CYFIP2: variants seen among roughly 807,000 people sequenced by gnomAD.
CYFIP2 encodes cytoplasmic FMR1 interacting protein 2, also known as cytoplasmic FMR1-interacting protein 2.
In CYFIP2, 29 loss-of-function variants were observed where a neutral mutation model predicts 158.7. The observed-to-expected ratio is 0.18, with a 90% CI of 0.14 to 0.25. The LOEUF (loss-of-function observed/expected upper bound fraction) is 0.25, where lower values mean the gene tolerates loss of function less well. Ranked by LOEUF, CYFIP2 falls within the 10% of genes least tolerant of loss-of-function variation. The pLI is 1.00. For missense variants in CYFIP2, 852 were observed against 1,639.5 expected (o/e 0.52, Z 8.29); for synonymous variants, 585 against 617.6 (o/e 0.95, Z 0.78).
intron 26 of CYFIP2, among the ~76,000 whole-genome samples, chr5:157,375,064 C>T (rs1292380788): frequency 2.0e-5 from 3 of 152,186 alleles, no homozygotes; most frequent in East Asian, 3.9e-4. Context: ...AATCAGCATT[C>T]CCAACTTGAG....
chr5:157,326,319 A>G, intron 18 of CYFIP2, 52 bp downstream of exon 18: 3 of 1,466,548 alleles, frequency 2.0e-6, no homozygotes, highest in Non-Finnish European at 2.9e-6. Flanking sequence ...CAAATTCCGG[A>G]CTTTTCCAGT....
chr5:157,281,589 G>T (rs749883906), intron 1 of CYFIP2, among the ~76,000 whole-genome samples: 1 of 152,034 alleles, frequency 6.6e-6, no homozygotes, highest in African/African-American at 2.4e-5. Context: ...CACATCACTC[G>T]ATTTTAAAAT....
chr5:157,394,544 G>A lies in CYFIP2; in HGVS notation c.*1544G>A, dbSNP rs1043481022. ...GTCAGATCCTGAGAGTAGCACATTT[G>A]AGTGCAGATTCCTGGGCCCCACCTC... On this transcript the variant is annotated 3_prime_UTR_variant, in exon 31 of 31. Transcript: ENST00000620254. 2.0e-5 allele frequency: 3 copies of A among 152,212 alleles called. No homozygotes were observed. The highest frequency in any genetic ancestry group is 4.4e-5 in the Non-Finnish European group (3 of 68,034). 9.4% of individuals were successfully genotyped at this position (152,212 alleles called of 1,614,324 possible).
intron 1 of CYFIP2, among the ~76,000 whole-genome samples, chr5:157,284,106 T>G (rs1357028041): frequency 6.6e-6 from 1 of 152,206 alleles, no homozygotes; most frequent in Non-Finnish European, 1.5e-5. Context: ...TCACCTCTAC[T>G]GTTAACGTTT....
intron 5 of CYFIP2, among the ~76,000 whole-genome samples, chr5:157,297,092 G>T (rs904302460): frequency 1.3e-5 from 2 of 152,266 alleles, no homozygotes; most frequent in Non-Finnish European, 2.9e-5. Flanking sequence ...TGCCTGTGAT[G>T]TGAGTGCTGC....
chr5:157,271,783 T>C (rs1027146541), intron 1 of CYFIP2, among the ~76,000 whole-genome samples: 32 of 152,228 alleles, frequency 2.1e-4, no homozygotes, highest in Admixed American at 6.5e-4. Flanking sequence ...TTCACATCGA[T>C]GGAGCTGAGT....
intron 20 of CYFIP2, 64 bp downstream of exon 20, chr5:157,330,914 A>G (rs2113174949): frequency 7.6e-7 from 1 of 1,312,356 alleles, no homozygotes; most frequent in Non-Finnish European, 1.1e-6. Flanking sequence ...CGAAGTTAGC[A>G]TAGAGATCAG....
chr5:157,357,006 C>T (rs997844994), intron 23 of CYFIP2, among the ~76,000 whole-genome samples: 9 of 152,166 alleles, frequency 5.9e-5, no homozygotes, highest in African/African-American at 2.2e-4. Flanking sequence ...CCATACATTT[C>T]GAAGCTAAAT....
rs1256818259 is a variant in CYFIP2, at chr5:157,300,725, T to C, written c.398T>C (p.Ile133Thr). The change falls in exon 6 of 31, where the codon ATC becomes ACC. Residue 133 changes from isoleucine to threonine, a missense_variant. Coordinates refer to ENST00000620254, the MANE Select transcript of CYFIP2 (RefSeq NM_001037333.3). ...MKFMYFQRKA[I>T]ERFCSEVKRL... is the part of the protein sequence containing the mutation. ...CCCCTCTGCCCCCAGCGCAAGGCCA[T>C]CGAGCGGTTCTGCAGCGAGGTGAAG... 6.3e-7 allele frequency: 1 copy of C among 1,598,182 alleles called. No homozygotes were observed. The highest frequency in any genetic ancestry group is 1.3e-5 in the African/African-American group (1 of 74,674).
intron 26 of CYFIP2, chr5:157,363,816 C>T (rs1764078776): frequency 6.6e-6 from 1 of 152,318 alleles, no homozygotes; most frequent in Non-Finnish European, 1.5e-5. Flanking sequence ...AAAGGAGAAG[C>T]CTGGAACAAA....
Position 157,304,313 on chromosome 5 carries a change from T to C in CYFIP2, c.742T>C (p.Tyr248His), listed in dbSNP as rs2113899883. 1.2e-6 allele frequency: 2 copies of C among 1,613,998 alleles called. No individual in the cohort carries two copies. Among genetic ancestry groups the C allele is most frequent in the Non-Finnish European group, 1.7e-6 (2 of 1,179,904 alleles). Residue 248 changes from tyrosine to histidine, a missense_variant, in exon 8 of 31, where the codon TAC (tyrosine) becomes CAC (histidine). Tyr to His is a moderately conservative substitution (Grantham distance 83). Transcript: ENST00000620254. ...LADIVNICVD[Y>H]YENKMYLTPS... ...TGACATTGTCAACATCTGTGTGGATTACTACGAGAACAAGATGTACCTGAC... is the reference window on the plus strand; with the variant it reads ...TGACATTGTCAACATCTGTGTGGATCACTACGAGAACAAGATGTACCTGAC...
intron 15 of CYFIP2, among the ~76,000 whole-genome samples, chr5:157,321,658 C>T (rs991090750): frequency 1.6e-4 from 24 of 152,220 alleles, no homozygotes; most frequent in Non-Finnish European, 3.1e-4. Flanking sequence ...TTAAGCCTCT[C>T]TCTGTTCTCA....
chr5:157,378,073 G>A (rs1302412018), intron 26 of CYFIP2, among the ~76,000 whole-genome samples: 8 of 152,194 alleles, frequency 5.3e-5, no homozygotes, highest in Admixed American at 5.2e-4. Flanking sequence ...GGGCTTTATG[G>A]GATGGATAAG....
At position 157,314,983 on chromosome 5, in the gene CYFIP2, G is replaced by A; in HGVS notation, c.1245G>A (p.Leu415=). 6.3e-7 allele frequency: 1 copy of A among 1,576,062 alleles called. No individual in the cohort carries two copies. The highest frequency in any genetic ancestry group is 8.6e-7 in the Non-Finnish European group (1 of 1,160,156). The change falls in exon 13 of 31, where the codon CTG becomes CTA. Residue 415 remains leucine, a synonymous_variant. Transcript: ENST00000620254. ...ACTCTCCCCAGTACTCTTGGAAGCT[G>A]GTTCATCCCACAGACAAGTTCTGCA... The part of the protein sequence containing the change: ...AHVMEVYSWK[L]VHPTDKFCNK...
chr5:157,285,188 G>A (rs1353825521), intron 1 of CYFIP2, among the ~76,000 whole-genome samples, 151 bp from the exon 2 acceptor site: 2 of 152,150 alleles, frequency 1.3e-5, no homozygotes, highest in East Asian at 3.8e-4. Flanking sequence ...GATACACATC[G>A]AGAGCACCTT....
intron 23 of CYFIP2, among the ~76,000 whole-genome samples, chr5:157,349,868 G>A (rs372914516): frequency 1.1e-4 from 16 of 152,184 alleles, no homozygotes; most frequent in East Asian, 5.8e-4. Flanking sequence ...GATCATTAGC[G>A]ATGCTGAGCT....
At chr5:157,278,460 A>G (rs1004519930) in intron 1 of CYFIP2, among the ~76,000 whole-genome samples, 1 of 152,212 alleles carries the variant, frequency 6.6e-6, no homozygotes, top group Admixed American at 6.5e-5. Flanking sequence ...TCTAGAAGAA[A>G]AGGCATAGAA....
intron 28 of CYFIP2, among the ~76,000 whole-genome samples, chr5:157,386,433 T>G (rs1266884770): frequency 1.3e-5 from 2 of 152,108 alleles, no homozygotes; most frequent in African/African-American, 4.8e-5. Context: ...TTGCCCAGTC[T>G]GGGATACAGG....
intron 13 of CYFIP2, among the ~76,000 whole-genome samples, chr5:157,319,436 A>G (rs1026729364): frequency 2.0e-5 from 3 of 152,222 alleles, no homozygotes; most frequent in East Asian, 1.9e-4. Context: ...ATTGTGGCCC[A>G]TGGGCCAGCT....
Sources: allele counts gnomAD v4.1 joint callset (sites outside exome capture counted in the v4.1 genomes callset), GRCh38; gene constraint gnomAD v4.1.1; transcripts MANE v1.5; gene names NCBI Gene and HGNC (gene_info 2026-07-23, HGNC 2026-07-21).